Variants in SMYD3 observed in about 807,000 individuals in gnomAD.
The protein encoded by SMYD3 is histone-lysine N-methyltransferase SMYD3.
A neutral mutation model predicts 57.7 loss-of-function variants in SMYD3; 36 were observed. That is an observed-to-expected ratio of 0.62 (90% CI 0.48 to 0.82). The LOEUF (loss-of-function observed/expected upper bound fraction) is 0.82, where lower values mean the gene tolerates loss of function less well. Among genes scored for constraint, SMYD3 ranks in the 40% least tolerant of loss-of-function variants. SMYD3 has a pLI of 0.00. For missense variants in SMYD3, 515 were observed against 538.8 expected, an observed-to-expected ratio of 0.96 and a Z score of 0.44; for synonymous variants, 211 against 195.0, an observed-to-expected ratio of 1.08 and a Z score of -0.68.
intron 5 of SMYD3, among the ~76,000 whole-genome samples, chr1:246,282,846 C>T (rs1173383755): frequency 6.6e-6 from 1 of 152,128 alleles, no homozygotes; most frequent in Non-Finnish European, 1.5e-5. Flanking sequence ...TGTAATAAAT[C>T]AACCTGGTTT....
At chr1:246,004,354 T>C (rs1286468357) in intron 5 of SMYD3, among the ~76,000 whole-genome samples, 2 of 152,154 alleles carry the variant, frequency 1.3e-5, no homozygotes, top group Non-Finnish European at 2.9e-5. Context: ...AGTCAACCAA[T>C]GAATGAGCAC....
chr1:245,812,140 G>A (rs1258448033), intron 10 of SMYD3, among the ~76,000 whole-genome samples: 5 of 152,320 alleles, frequency 3.3e-5, no homozygotes, highest in African/African-American at 7.2e-5. Context: ...AGCCAGTCAC[G>A]TGTGTGGGCA....
chr1:246,026,893 T>C (rs561930705), intron 5 of SMYD3, among the ~76,000 whole-genome samples: 21 of 152,320 alleles, frequency 1.4e-4, no homozygotes, highest in African/African-American at 4.1e-4. Context: ...AGAACTAAGA[T>C]AAACTGAAAG....
chr1:246,333,658 G>C (rs1437706791), intron 3 of SMYD3, among the ~76,000 whole-genome samples: 2 of 152,038 alleles, frequency 1.3e-5, no homozygotes, highest in African/African-American at 4.8e-5. Context: ...AGAATTTCTT[G>C]AGCCCAGGAG....
chr1:246,179,831 T>C (rs941979493), intron 5 of SMYD3, among the ~76,000 whole-genome samples: 3 of 152,202 alleles, frequency 2.0e-5, no homozygotes, highest in African/African-American at 7.2e-5. Flanking sequence ...CCACAGTCTC[T>C]TTCTAAGTGA....
At chr1:246,038,577 G>A (rs1283396471) in intron 5 of SMYD3, among the ~76,000 whole-genome samples, 3 of 152,172 alleles carry the variant, frequency 2.0e-5, no homozygotes, top group African/African-American at 2.4e-5. Context: ...ACACAAATAC[G>A]AATCCTATCA....
intron 1 of SMYD3, among the ~76,000 whole-genome samples, chr1:246,380,836 G>A (rs2066376296): frequency 2.0e-5 from 3 of 152,200 alleles, no homozygotes; most frequent in African/African-American, 7.2e-5. Context: ...GCTGGGGTGT[G>A]GCCATGGGTA....
chr1:246,426,479 G>A (rs533897577), intron 1 of SMYD3, among the ~76,000 whole-genome samples: 1 of 152,264 alleles, frequency 6.6e-6, no homozygotes, highest in East Asian at 1.9e-4. Flanking sequence ...AGATTTGCCT[G>A]TTGTGGATAT....
intron 1 of SMYD3, chr1:246,425,919 C>T (rs777219902): frequency 2.0e-5 from 3 of 152,108 alleles, no homozygotes; most frequent in Non-Finnish European, 4.4e-5. Context: ...AAGTTTTGTA[C>T]ATTTTTAAAG....
chr1:245,865,439 C>G (rs952117860), intron 8 of SMYD3, among the ~76,000 whole-genome samples: 1 of 152,192 alleles, frequency 6.6e-6, no homozygotes, highest in African/African-American at 2.4e-5. Context: ...TAACATCTTT[C>G]TCCCTAATAT....
At position 246,355,278 on chromosome 1, in the gene SMYD3, C is replaced by G. The variant is rs892228058; in HGVS notation, c.165-184G>C. 23 of 578,138 alleles carry G rather than the reference C, an allele frequency of 4.0e-5. No homozygotes were observed. Among genetic ancestry groups the G allele is most frequent in the Non-Finnish European group, 2.4e-5 (8 of 327,360 alleles). 35.8% of individuals were successfully genotyped at this position (578,138 alleles called of 1,614,324 possible). A position where few individuals can be genotyped will look rare whatever the true frequency, so the allele number is the denominator to read the frequency against. On this transcript the variant is annotated intron_variant, in intron 1 of 11. Transcript: ENST00000490107. The surrounding 1 kb of genome is among the most constrained non-coding windows in gnomAD (Gnocchi z 5.0). Reference sequence around the variant, plus strand: ...CCTCTTGAACCTTCCATGTGAGACACTGATAGAAAAACTAAGTCCTTTTGT... The same window carrying G: ...CCTCTTGAACCTTCCATGTGAGACAGTGATAGAAAAACTAAGTCCTTTTGT...
intron 5 of SMYD3, among the ~76,000 whole-genome samples, chr1:246,253,288 A>C (rs750603210): frequency 6.6e-6 from 1 of 152,212 alleles, no homozygotes; most frequent in Non-Finnish European, 1.5e-5. Flanking sequence ...AACCTCGAGC[A>C]GTCCTCAGTT....
At chr1:246,403,133 C>T (rs1040956432) in intron 1 of SMYD3, among the ~76,000 whole-genome samples, 5 of 152,080 alleles carry the variant, frequency 3.3e-5, no homozygotes, top group Admixed American at 3.3e-4. Context: ...GACTACATGG[C>T]TTTTTTAGTT....
intron 5 of SMYD3, among the ~76,000 whole-genome samples, chr1:246,014,079 C>T (rs1191163531): frequency 1.3e-5 from 2 of 152,226 alleles, no homozygotes; most frequent in Non-Finnish European, 2.9e-5. Context: ...AATCCCAACA[C>T]TTTGAGAGGC....
At chr1:245,999,662 T>C (rs138723413) in intron 5 of SMYD3, among the ~76,000 whole-genome samples, 8 of 152,260 alleles carry the variant, frequency 5.3e-5, no homozygotes, top group Admixed American at 2.0e-4. Flanking sequence ...ATATACTACC[T>C]AAAGCAAGAG....
chr1:246,222,742 C>A (rs960993476), intron 5 of SMYD3, among the ~76,000 whole-genome samples: 15 of 152,172 alleles, frequency 9.9e-5, no homozygotes, highest in African/African-American at 2.9e-4. Flanking sequence ...CTGAAGGATG[C>A]AAAGAACTCA....
intron 8 of SMYD3, among the ~76,000 whole-genome samples, chr1:245,907,929 A>G (rs975156772): frequency 5.9e-5 from 9 of 152,130 alleles, no homozygotes; most frequent in African/African-American, 2.2e-4. Context: ...CGAGGTCAGG[A>G]GATCGAGACC....
Position 246,088,368 on chromosome 1 carries a change from G to A in SMYD3, c.532-158431C>T, listed in dbSNP as rs553325782. Among the ~76,000 whole-genome samples the A allele has an allele frequency of 1.2e-4, 18 of 151,986 alleles. No individual in the cohort carries two copies. In the South Asian group the frequency reaches 3.7e-3, roughly 32 times the overall value. ...ATCACGCCTGTAATCCCAGCACTTT[G>A]GGAGGCTGAGGCGGGCGGATCATGA... On this transcript the variant is annotated intron_variant, in intron 5 of 11. Coordinates refer to ENST00000490107, the MANE Select transcript of SMYD3 (RefSeq NM_001167740.2).
intron 1 of SMYD3, among the ~76,000 whole-genome samples, chr1:246,399,162 C>T (rs2066726317): frequency 1.3e-5 from 2 of 152,150 alleles, no homozygotes; most frequent in Admixed American, 6.6e-5. Flanking sequence ...GCTGGGACTA[C>T]AGGCATGTGC....
Sources: gnomAD v4.1 joint callset for allele counts (sites outside exome capture counted in the v4.1 genomes callset) on GRCh38, gnomAD v4.1.1 for gene constraint, Gnocchi (gnomAD v3.1) non-coding constraint, MANE v1.5 for transcripts, NCBI Gene and HGNC (gene_info 2026-07-23, HGNC 2026-07-21) for gene names.